The following IL1R1 variants were observed in gnomAD, a reference collection of about 807,000 sequenced individuals.
IL1R1 encodes interleukin 1 receptor type 1.
In IL1R1, 22 loss-of-function variants were observed where a neutral mutation model predicts 50.2. That is an observed-to-expected ratio of 0.44 (90% CI 0.31 to 0.63). IL1R1 has a LOEUF of 0.63. Among genes scored for constraint, IL1R1 ranks in the 20% least tolerant of loss-of-function variants. IL1R1 has a pLI of 0.07. For synonymous variants in IL1R1, 251 were observed against 236.7 expected, an observed-to-expected ratio of 1.06 and a Z score of -0.55; for missense variants, 509 against 676.2, an observed-to-expected ratio of 0.75 and a Z score of 2.74.
At chr2:102,162,380 G>GATA (rs1684807464) in intron 3 of IL1R1, among the ~76,000 whole-genome samples, 1 of 152,108 alleles carries the variant, frequency 6.6e-6, no homozygotes, top group African/African-American at 2.4e-5. Flanking sequence ...AGAGTGTTTA[G>GATA]ACTATTTGAA....
chr2:102,104,690 C>T (rs1404979367), exon 1 of IL1R1: 1 of 152,224 alleles, frequency 6.6e-6, no homozygotes, highest in African/African-American at 2.4e-5. Flanking sequence ...TCTGCTGCGG[C>T]ACAGACCTGA....
At chr2:102,072,925 G>A (rs1320199528) in intron 1 of IL1R1, among the ~76,000 whole-genome samples, 11 of 152,096 alleles carry the variant, frequency 7.2e-5, no homozygotes, top group African/African-American at 1.4e-4. Flanking sequence ...GGCCCTTCCC[G>A]GCCAGTTCTG....
intron 1 of IL1R1, among the ~76,000 whole-genome samples, chr2:102,145,910 G>A (rs1166341935): frequency 1.3e-5 from 2 of 152,206 alleles, no homozygotes; most frequent in African/African-American, 4.8e-5. Flanking sequence ...TTTCCTGTAG[G>A]CAGTGGGAAA....
At position 102,164,883 on chromosome 2, in the gene IL1R1, G is replaced by A; in HGVS notation, c.171G>A (p.Trp57Ter). ...NPNEHKGTIT[W>*]YKDDSKTPVS... Reference sequence around the variant, plus strand: ...ATGAACACAAAGGCACTATAACTTGGTATAAAGATGACAGCAAGACACCTG... The same window carrying A: ...ATGAACACAAAGGCACTATAACTTGATATAAAGATGACAGCAAGACACCTG... The change falls in exon 4 of 12, where the codon TGG becomes TGA. Residue 57 changes from tryptophan (W) to a stop codon, truncating the protein, a stop_gained. Transcript: ENST00000410023. LOFTEE classifies it high-confidence loss of function. The A allele has an allele frequency of 6.2e-7, 1 of 1,614,028 alleles. No individual in the cohort carries two copies. Among genetic ancestry groups the A allele is most frequent in the Non-Finnish European group, 8.5e-7 (1 of 1,179,948 alleles).
In IL1R1 at chr2:102,087,039, C is replaced by CT. The variant is rs773131117; in HGVS notation, c.-84+16516dup. Among the ~76,000 whole-genome samples the CT allele has an allele frequency of 4.8e-3, 715 of 148,052 alleles. 9 individuals carry two copies. The highest frequency in any genetic ancestry group is 0.036 in the East Asian group (182 of 5,098). Reference sequence around the variant, plus strand: ...ATTGCAATAAAGCAAGTCACAATTTCTTTTTTTTTTGGTTACCCATTGCAT... The same window carrying CT: ...ATTGCAATAAAGCAAGTCACAATTTCTTTTTTTTTTTGGTTACCCATTGCAT... On this transcript the variant is annotated intron_variant, in intron 1 of 11. Coordinates refer to the IL1R1 transcript ENST00000409929.
Position 102,166,014 on chromosome 2 carries a change from T to TTTCTAAA in IL1R1, c.487-99_487-98insTTCTAAA, listed in dbSNP as rs1300428769. On this transcript the variant is annotated intron_variant, in intron 5 of 11. Transcript: ENST00000410023. ...CTTTTCCAGTCACTTTCTAAAAATA[T>TTTCTAAA]AACATTTGCTAAGGTGAAAAAAATG... 3.0e-6 allele frequency: 3 copies of TTTCTAAA among 993,012 alleles called. No individual in the cohort carries two copies. The African/African-American group carries it at 4.9e-5, about 16-fold the overall frequency. 61.5% of individuals were successfully genotyped at this position (993,012 alleles called of 1,614,324 possible). A position where few individuals can be genotyped will look rare whatever the true frequency, so the allele number is the denominator to read the frequency against.
At chr2:102,110,290 C>T (rs1193707714) in intron 1 of IL1R1, among the ~76,000 whole-genome samples, 1 of 152,154 alleles carries the variant, frequency 6.6e-6, no homozygotes, top group Non-Finnish European at 1.5e-5. Context: ...TTATTTCAGG[C>T]AATGTTGCGA....
intron 3 of IL1R1, among the ~76,000 whole-genome samples, chr2:102,161,497 G>A (rs948936727): frequency 6.6e-6 from 1 of 152,104 alleles, no homozygotes; most frequent in Non-Finnish European, 1.5e-5. Flanking sequence ...CTGATTATCC[G>A]TTTAATTTTA....
At chr2:102,134,374 TTTTC>T (rs1230878354) in intron 1 of IL1R1, among the ~76,000 whole-genome samples, 2 of 147,340 alleles carry the variant, frequency 1.4e-5, no homozygotes, top group African/African-American at 5.2e-5. Flanking sequence ...ACTTTCTTTC[TTTTC>T]TTTCTTTTTT....
chr2:102,114,493 A>C (rs1244240901), intron 1 of IL1R1, among the ~76,000 whole-genome samples: 2 of 151,796 alleles, frequency 1.3e-5, no homozygotes, highest in Non-Finnish European at 2.9e-5. Flanking sequence ...TGAACCTGCC[A>C]TGACAACCTC....
chr2:102,165,337 T>A (rs749192134), intron 5 of IL1R1, 33 bp downstream of exon 5: 1 of 1,255,528 alleles, frequency 8.0e-7, no homozygotes, highest in Non-Finnish European at 1.1e-6. Context: ...ATTTCACTTT[T>A]CCAGAAAATA....
chr2:102,095,449 C>T (rs1040815125), intron 1 of IL1R1, among the ~76,000 whole-genome samples: 15 of 152,002 alleles, frequency 9.9e-5, no homozygotes, highest in Non-Finnish European at 2.2e-4. Context: ...AAAATTTTTA[C>T]ATTAAAGAAT....
At chr2:102,162,739 C>T (rs1684841860) in intron 3 of IL1R1, among the ~76,000 whole-genome samples, 1 of 151,720 alleles carries the variant, frequency 6.6e-6, no homozygotes, top group African/African-American at 2.4e-5. Context: ...TATGTTACTT[C>T]TTTATTTGTT....
intron 1 of IL1R1, among the ~76,000 whole-genome samples, chr2:102,078,601 A>ACGC (rs1159929134): frequency 7.5e-6 from 1 of 133,402 alleles, no homozygotes; most frequent in African/African-American, 2.9e-5. Flanking sequence ...CACACACACA[A>ACGC]GAAAAAAAAA....
At chr2:102,171,057 G>T (rs1287144787) in intron 7 of IL1R1, among the ~76,000 whole-genome samples, 1 of 152,128 alleles carries the variant, frequency 6.6e-6, no homozygotes, top group East Asian at 1.9e-4. Context: ...GCGAGACTGT[G>T]TCTCATTTTT....
intron 1 of IL1R1, among the ~76,000 whole-genome samples, chr2:102,123,597 G>A (rs1222265888): frequency 6.6e-6 from 1 of 151,984 alleles, no homozygotes; most frequent in Non-Finnish European, 1.5e-5. Context: ...CCAACATGGC[G>A]AAACCCCACC....
chr2:102,129,282 C>G (rs1282686308), intron 1 of IL1R1, among the ~76,000 whole-genome samples: 2 of 151,774 alleles, frequency 1.3e-5, no homozygotes, highest in East Asian at 3.9e-4. Context: ...ACAACAACAA[C>G]AACAACAACA....
At chr2:102,084,592 A>C (rs1191521497) in intron 1 of IL1R1, among the ~76,000 whole-genome samples, 1 of 152,242 alleles carries the variant, frequency 6.6e-6, no homozygotes. Flanking sequence ...AATTTTCACA[A>C]AATCATATTT....
intron 1 of IL1R1, among the ~76,000 whole-genome samples, chr2:102,083,943 CA>C (rs35546919): frequency 0.57 from 82,770 of 146,050 alleles, 23,042 homozygotes; most frequent in East Asian, 0.72. Flanking sequence ...GACTCCGCCT[CA>C]AAAAAAAAAA....
Sources: gnomAD v4.1 joint callset for allele counts (sites outside exome capture counted in the v4.1 genomes callset) on GRCh38, gnomAD v4.1.1 for gene constraint, MANE v1.5 for transcripts, NCBI Gene and HGNC (gene_info 2026-07-23, HGNC 2026-07-21) for gene names.